The following ASTN2 variants were observed in gnomAD, a reference collection of about 807,000 sequenced individuals.
ASTN2 encodes astrotactin-2.
Under a neutral mutation model 139.8 loss-of-function variants are expected in ASTN2, and 54 were observed. The observed-to-expected ratio is 0.39, with a 90% CI of 0.31 to 0.48. The LOEUF is 0.48. Among genes scored for constraint, ASTN2 ranks in the 20% least tolerant of loss-of-function variants. The pLI, the probability that ASTN2 is intolerant of heterozygous loss-of-function variation, is 0.95. For synonymous variants in ASTN2, 756 were observed against 719.5 expected, an observed-to-expected ratio of 1.05 and a Z score of -0.81; for missense variants, 1,565 against 1,725.1, an observed-to-expected ratio of 0.91 and a Z score of 1.64.
intron 19 of ASTN2, among the ~76,000 whole-genome samples, chr9:116,578,618 A>ACGCGCGCGCGCG (rs149967114): frequency 7.1e-5 from 7 of 98,548 alleles, no homozygotes; most frequent in African/African-American, 2.2e-4. Flanking sequence ...TCTGGCTCCA[A>ACGCGCGCGCGCG]CGTGTGTGTG....
At chr9:116,725,691 A>T in intron 16 of ASTN2, 80 bp downstream of exon 16, 1 of 1,419,608 alleles carries the variant, frequency 7.0e-7, no homozygotes, top group South Asian at 1.3e-5. Flanking sequence ...TTTAGATCCA[A>T]GGCAGCTCAG....
At chr9:116,647,311 G>T (rs778959169) in intron 17 of ASTN2, among the ~76,000 whole-genome samples, 2 of 152,120 alleles carry the variant, frequency 1.3e-5, no homozygotes, top group Non-Finnish European at 2.9e-5. Flanking sequence ...AGGGTATAAC[G>T]CAGTCTTAGC....
intron 2 of ASTN2, among the ~76,000 whole-genome samples, chr9:117,257,878 A>G (rs1297563027): frequency 6.6e-6 from 1 of 152,240 alleles, no homozygotes; most frequent in Non-Finnish European, 1.5e-5. Flanking sequence ...ATTGTGGGAC[A>G]AAGGGCCAGC....
In ASTN2 at chr9:116,734,278, C is replaced by A. The variant is rs533573782; in HGVS notation, c.2397-755G>T. Among the ~76,000 whole-genome samples, 53 of 152,262 alleles carry A rather than the reference C, an allele frequency of 3.5e-4. 1 individual carries two copies. The South Asian group carries it at 0.011, about 30-fold the overall frequency. ...CCAGTCCCAGGGAACAGAAGACAGACCTCTGAATGACCCCAGAAAACTGAA... is the reference window on the plus strand; with the variant it reads ...CCAGTCCCAGGGAACAGAAGACAGAACTCTGAATGACCCCAGAAAACTGAA... On this transcript the variant is annotated intron_variant, in intron 13 of 22. Transcript: ENST00000313400.
intron 1 of ASTN2, among the ~76,000 whole-genome samples, chr9:117,313,813 C>T (rs1241438593): frequency 6.6e-6 from 1 of 152,124 alleles, no homozygotes; most frequent in African/African-American, 2.4e-5. Context: ...TTCACTGCCT[C>T]AAGGAAAATT....
intron 19 of ASTN2, among the ~76,000 whole-genome samples, chr9:116,500,735 C>T (rs867644440): frequency 1.3e-5 from 2 of 152,178 alleles, no homozygotes; most frequent in African/African-American, 2.4e-5. Flanking sequence ...AAATATCTAT[C>T]TCTAGGGAAT....
intron 3 of ASTN2, among the ~76,000 whole-genome samples, chr9:117,194,663 C>G (rs1280828955): frequency 6.6e-6 from 1 of 152,210 alleles, no homozygotes; most frequent in East Asian, 1.9e-4. Context: ...TCTTTCCTCT[C>G]CTGCTCATAT....
intron 1 of ASTN2, among the ~76,000 whole-genome samples, chr9:117,357,537 T>C (rs769265092): frequency 8.6e-5 from 13 of 151,862 alleles, no homozygotes; most frequent in African/African-American, 1.2e-4. Flanking sequence ...ACCAAGAGAA[T>C]TGGAAATACT....
intron 2 of ASTN2, among the ~76,000 whole-genome samples, chr9:117,220,678 T>C (rs918028543): frequency 6.6e-6 from 1 of 152,076 alleles, no homozygotes; most frequent in African/African-American, 2.4e-5. Context: ...ATGGGACAGA[T>C]TCTCCCTCAG....
rs559691922 is a variant in ASTN2 at position 116,725,942 on chromosome 9, T to C, written c.2635A>G (p.Asn879Asp). 6.2e-7 allele frequency: 1 copy of C among 1,612,172 alleles called. No individual in the cohort carries two copies. The highest frequency in any genetic ancestry group is 1.1e-5 in the South Asian group (1 of 90,806). ...TCCTTGGTCAGGATCTTGAGAACATTAGTGAAGCCTGGACAAGAGAGGAGC... is the reference window on the plus strand; with the variant it reads ...TCCTTGGTCAGGATCTTGAGAACATCAGTGAAGCCTGGACAAGAGAGGAGC... ...STITLAAGFT[N>D]VLKILTKESS... Residue 879 changes from asparagine to aspartate, a missense_variant, in exon 16 of 23, where the codon AAT becomes GAT. By Grantham distance (23) the Asn-to-Asp change is conservative. Transcript: ENST00000313400.
At chr9:117,258,496 G>C (rs546748776) in intron 2 of ASTN2, among the ~76,000 whole-genome samples, 24 of 152,320 alleles carry the variant, frequency 1.6e-4, no homozygotes, top group African/African-American at 5.5e-4. Flanking sequence ...GGTGGATAAA[G>C]TATGGTGGCA....
intron 19 of ASTN2, among the ~76,000 whole-genome samples, chr9:116,565,424 TATA>T (rs1230238662): frequency 0.013 from 1,530 of 116,512 alleles, 12 homozygotes; most frequent in East Asian, 0.024. Flanking sequence ...TATATATATA[TATA>T]TATTTATTTA....
chr9:116,792,832 C>T (rs1409312780), intron 13 of ASTN2, among the ~76,000 whole-genome samples: 1 of 152,148 alleles, frequency 6.6e-6, no homozygotes, highest in Non-Finnish European at 1.5e-5. Context: ...CAGGCATAAC[C>T]TAGGCAGCTC....
At chr9:116,767,153 TAC>T (rs34813123) in intron 13 of ASTN2, among the ~76,000 whole-genome samples, 12 of 150,366 alleles carry the variant, frequency 8.0e-5, no homozygotes, top group East Asian at 3.9e-4. Context: ...ATCCTACATA[TAC>T]ACACACACAC....
At chr9:116,711,896 AATCTAGC>A (rs1828173979) in intron 16 of ASTN2, among the ~76,000 whole-genome samples, 1 of 152,132 alleles carries the variant, frequency 6.6e-6, no homozygotes, top group Admixed American at 6.6e-5. Context: ...TCCTAACTCT[AATCTAGC>A]ATCTCACATA....
intron 8 of ASTN2, 69 bp downstream of exon 8, chr9:116,976,632 T>G: frequency 7.2e-7 from 1 of 1,388,042 alleles, no homozygotes; most frequent in East Asian, 2.3e-5. Context: ...TTGGGGCCTC[T>G]GGTAACAGAA....
intron 19 of ASTN2, 64 bp downstream of exon 19, chr9:116,618,260 T>C (rs975429023): frequency 6.6e-7 from 1 of 1,524,272 alleles, no homozygotes; most frequent in South Asian, 1.3e-5. Flanking sequence ...CCAAAGACAG[T>C]AGAAAATCCC....
chr9:116,523,399 T>C (rs1317496033), intron 19 of ASTN2, among the ~76,000 whole-genome samples: 2 of 152,068 alleles, frequency 1.3e-5, no homozygotes, highest in Admixed American at 1.3e-4. Flanking sequence ...ATTGCCCTAA[T>C]CCTCCTGAGT....
intron 1 of ASTN2, among the ~76,000 whole-genome samples, chr9:117,389,453 G>C (rs1830488614): frequency 1.3e-5 from 2 of 152,168 alleles, no homozygotes; most frequent in South Asian, 4.1e-4. Flanking sequence ...CAGCTGGAAG[G>C]CAAAGGGAAT....
Sources: allele counts gnomAD v4.1 joint callset (sites outside exome capture counted in the v4.1 genomes callset), GRCh38; gene constraint gnomAD v4.1.1; transcripts MANE v1.5; gene names NCBI Gene and HGNC (gene_info 2026-07-23, HGNC 2026-07-21).